GRID2IP: variants seen among roughly 807,000 people sequenced by gnomAD.
The protein encoded by GRID2IP is delphilin.
In GRID2IP, 78 loss-of-function variants were observed where a neutral mutation model predicts 114.3. The observed-to-expected ratio is 0.68, with a 90% CI of 0.57 to 0.82. GRID2IP has a LOEUF of 0.82. Ranked by LOEUF, GRID2IP falls within the 40% of genes least tolerant of loss-of-function variation. The pLI is 0.00. For synonymous variants in GRID2IP, 809 were observed against 724.0 expected (o/e 1.12, Z -1.89); for missense variants, 1,727 against 1,678.5 (o/e 1.03, Z -0.51).
intron 1 of GRID2IP, among the ~76,000 whole-genome samples, chr7:6,542,215 G>T (rs927602590): frequency 1.4e-5 from 2 of 142,052 alleles, no homozygotes; most frequent in Non-Finnish European, 3.0e-5. Flanking sequence ...TGAGGCAGGA[G>T]AATCGCTTGA....
chr7:6,534,958 T>G lies in GRID2IP; in HGVS notation c.584+4760A>C, dbSNP rs1460232886. Among the ~76,000 whole-genome samples, 3 of 152,210 alleles carry G rather than the reference T, an allele frequency of 2.0e-5. No homozygotes were observed. The highest frequency in any genetic ancestry group is 4.4e-5 in the Non-Finnish European group (3 of 68,040). ...TGGAGTGCAATGGCACGATCTCGGC[T>G]CACTGCAATCTCCGCCTCCCAGGTT... On this transcript the variant is annotated intron_variant, in intron 2 of 21. Transcript: ENST00000457091. The surrounding 1 kb of genome is among the most constrained non-coding windows in gnomAD (Gnocchi z 4.5).
chr7:6,503,252 G>A, intron 16 of GRID2IP, 89 bp from the exon 17 acceptor site: 3 of 1,156,932 alleles, frequency 2.6e-6, no homozygotes, highest in Non-Finnish European at 2.4e-6. Context: ...GGGGGGATCT[G>A]CTGGCTGCTT....
In GRID2IP at chr7:6,509,859, A is replaced by G. The variant is rs1192434071; in HGVS notation, c.1771+424T>C. Among the ~76,000 whole-genome samples, 1 of 151,984 alleles carries G rather than the reference A, an allele frequency of 6.6e-6. No homozygotes were observed. Among genetic ancestry groups the G allele is most frequent in the South Asian group, 2.1e-4 (1 of 4,828 alleles). ...TTTTTCTTTTTTAAGACAGGGTCTTACTCTGTTGCTTATAGGCTAGAGTGC... is the reference window on the plus strand; with the variant it reads ...TTTTTCTTTTTTAAGACAGGGTCTTGCTCTGTTGCTTATAGGCTAGAGTGC... On this transcript the variant is annotated intron_variant, in intron 11 of 21. Transcript: ENST00000457091. This position sits in a 1 kb window ranked among gnomAD's most constrained non-coding sequence, Gnocchi z 4.9.
rs1332927982 is a variant in GRID2IP at position 6,508,092 on chromosome 7, T to C, written c.2437A>G (p.Met813Val). The change falls in exon 13 of 22, where the codon ATG becomes GTG. Residue 813 changes from methionine to valine, a missense_variant. Met to Val is a conservative substitution (Grantham distance 21). Transcript: ENST00000457091. The surrounding 1 kb of genome is among the most constrained non-coding windows in gnomAD (Gnocchi z 5.6). Reference protein sequence around the residue: ...LPPPVPCAPPMLSRGLGHRRS... With the variant: ...LPPPVPCAPPVLSRGLGHRRS... ...CGGTGGCCCAGGCCCCGGGACAGCA[T>C]GGGGGGTGCACAGGGCACGGGTGGG... 1.4e-5 allele frequency: 15 copies of C among 1,036,702 alleles called. No individual in the cohort carries two copies. The highest frequency in any genetic ancestry group is 1.6e-5 in the Non-Finnish European group (13 of 808,066). The allele number at this position is 1,036,702 out of a possible 1,614,324, so 64.2% of individuals were successfully genotyped here. A position where few individuals can be genotyped will look rare whatever the true frequency, so the allele number is the denominator to read the frequency against.
In GRID2IP at chr7:6,503,546, T is replaced by A; in HGVS notation, c.2852A>T (p.Gln951Leu). Residue 951 changes from glutamine to leucine, a missense_variant, in exon 16 of 22, where the codon CAG becomes CTG. Coordinates refer to ENST00000457091, the MANE Select transcript of GRID2IP (RefSeq NM_001145118.2). ...APDADEEQRYQAFREAPGRLS... is the reference protein window; with the variant it reads ...APDADEEQRYLAFREAPGRLS... ...GCGGCCGGGCGCCTCGCGGAAGGCC[T>A]GGTAGCGCTGCTCCTCGTCGGCGTC... 6.5e-7 allele frequency: 1 copy of A among 1,528,538 alleles called. No individual in the cohort carries two copies. Among genetic ancestry groups the A allele is most frequent in the Non-Finnish European group, 8.7e-7 (1 of 1,144,122 alleles). 94.7% of individuals were successfully genotyped at this position (1,528,538 alleles called of 1,614,324 possible).
intron 7 of GRID2IP, among the ~76,000 whole-genome samples, chr7:6,518,174 G>A (rs1425924956): frequency 1.3e-5 from 2 of 152,000 alleles, no homozygotes; most frequent in Non-Finnish European, 2.9e-5. Context: ...AGGCTGCAGT[G>A]AGCTGTGTTT....
At chr7:6,531,268 C>T (rs1330624832) in intron 2 of GRID2IP, 1 of 408,326 alleles carries the variant, frequency 2.4e-6, no homozygotes, top group Non-Finnish European at 4.3e-6. Flanking sequence ...TTTTGGTGGC[C>T]CCGCCCCCTC....
intron 8 of GRID2IP, among the ~76,000 whole-genome samples, chr7:6,513,785 A>AAG (rs2115061730): frequency 6.6e-6 from 1 of 152,232 alleles, no homozygotes; most frequent in African/African-American, 2.4e-5. Context: ...AATCGGCTGT[A>AAG]AGACCTCATA....
chr7:6,539,768 G>A lies in GRID2IP; in HGVS notation c.534C>T (p.Leu178=), dbSNP rs750193891. Residue 178 remains leucine, a synonymous_variant, in exon 2 of 22, where the codon CTC becomes CTT. Coordinates refer to ENST00000457091, the MANE Select transcript of GRID2IP (RefSeq NM_001145118.2). ...AGGCCTCTCGGGGCAGCGCCAGGGTGAGAGTCCACACCAGATCATCCACCC... is the reference window on the plus strand; with the variant it reads ...AGGCCTCTCGGGGCAGCGCCAGGGTAAGAGTCCACACCAGATCATCCACCC... ...EQRVDDLVWT[L]TLALPREACG... is the part of the protein sequence containing the mutation. The A allele has an allele frequency of 6.5e-7, 1 of 1,550,350 alleles. No individual in the cohort carries two copies. Among genetic ancestry groups the A allele is most frequent in the Non-Finnish European group, 8.7e-7 (1 of 1,146,948 alleles).
chr7:6,520,130 A>C lies in GRID2IP; in HGVS notation c.1268+448T>G, dbSNP rs370049731. On this transcript the variant is annotated intron_variant, in intron 7 of 21. Coordinates refer to ENST00000457091, the MANE Select transcript of GRID2IP (RefSeq NM_001145118.2). This position sits in a 1 kb window ranked among gnomAD's most constrained non-coding sequence, Gnocchi z 4.6. ...CTCTAGTAAAACCCTGTCTCTAGTAAAAATACAAAAAAATTAGCCGGGTGT... is the reference window on the plus strand; with the variant it reads ...CTCTAGTAAAACCCTGTCTCTAGTACAAATACAAAAAAATTAGCCGGGTGT... 2.8e-4 allele frequency among the ~76,000 whole-genome samples: 43 copies of C among 152,242 alleles called. No individual in the cohort carries two copies. Among genetic ancestry groups the C allele is most frequent in the African/African-American group, 1.0e-3 (42 of 41,556 alleles).
chr7:6,518,592 T>C (rs1779355455), intron 7 of GRID2IP, among the ~76,000 whole-genome samples: 1 of 151,510 alleles, frequency 6.6e-6, no homozygotes, highest in Non-Finnish European at 1.5e-5. Flanking sequence ...AAAAATTAGC[T>C]GGGCGTGGTG....
chr7:6,525,599 A>G (rs1301517122), intron 4 of GRID2IP, among the ~76,000 whole-genome samples: 1 of 152,114 alleles, frequency 6.6e-6, no homozygotes, highest in Admixed American at 6.6e-5. Context: ...GCACCACTGC[A>G]CTCCAGCCTG....
chr7:6,504,857 C>G lies in GRID2IP; in HGVS notation c.2646G>C (p.Gly882=), dbSNP rs1025146115. 6.4e-7 allele frequency: 1 copy of G among 1,551,316 alleles called. No homozygotes were observed. Among genetic ancestry groups the G allele is most frequent in the South Asian group, 1.2e-5 (1 of 84,070 alleles). ...CCTCCTTCTTCCGGAAGGGCTCCGG[C>G]CCCGGCACCGGTTCTGGAAAAGAAA... The part of the protein sequence containing the change: ...GTQKPAKPVP[G]PEPFRKKEVV... Residue 882 remains glycine, a synonymous_variant, in exon 15 of 22, where the codon GGG becomes GGC. Transcript: ENST00000457091.
rs1327966100 is a variant in GRID2IP, at chr7:6,536,619, G to T, written c.584+3099C>A. Among the ~76,000 whole-genome samples the T allele has an allele frequency of 6.6e-6, 1 of 151,990 alleles. No individual in the cohort carries two copies. Among genetic ancestry groups the T allele is most frequent in the East Asian group, 2.0e-4 (1 of 5,128 alleles). ...CTGCCAGCAGCCGGGAGACGAGCGA[G>T]CCAACTTCCTGGGGGACAGCTGGGC... On this transcript the variant is annotated intron_variant, in intron 2 of 21. Coordinates refer to ENST00000457091, the MANE Select transcript of GRID2IP (RefSeq NM_001145118.2). The surrounding 1 kb of genome is among the most constrained non-coding windows in gnomAD (Gnocchi z 5.3).
At chr7:6,533,455 C>T (rs527861502) in intron 2 of GRID2IP, among the ~76,000 whole-genome samples, 2 of 152,216 alleles carry the variant, frequency 1.3e-5, no homozygotes, top group Admixed American at 6.6e-5. Context: ...AATTCCTGGG[C>T]TTAAGTGATC....
In GRID2IP at chr7:6,526,174, A is replaced by C; in HGVS notation, c.919+50T>G. Reference sequence around the variant, plus strand: ...CGGCAGAGCCACCACGGGGCCCTTCACCCCATCCTGGGCCTTAGGGACTCT... The same window carrying C: ...CGGCAGAGCCACCACGGGGCCCTTCCCCCCATCCTGGGCCTTAGGGACTCT... On this transcript the variant is annotated intron_variant, in intron 4 of 21. Coordinates refer to ENST00000457091, the MANE Select transcript of GRID2IP (RefSeq NM_001145118.2). The surrounding 1 kb of genome is among the most constrained non-coding windows in gnomAD (Gnocchi z 7.6). The C allele has an allele frequency of 6.9e-7, 1 of 1,451,472 alleles. No individual in the cohort carries two copies. Among genetic ancestry groups the C allele is most frequent in the Non-Finnish European group, 9.5e-7 (1 of 1,056,730 alleles). 89.9% of individuals were successfully genotyped at this position (1,451,472 alleles called of 1,614,324 possible).
chr7:6,510,694 C>A lies in GRID2IP; in HGVS notation c.1568G>T (p.Cys523Phe). 6.5e-7 allele frequency: 1 copy of A among 1,548,324 alleles called. No individual in the cohort carries two copies. Among genetic ancestry groups the A allele is most frequent in the Non-Finnish European group, 8.7e-7 (1 of 1,145,690 alleles). Residue 523 changes from cysteine (C) to phenylalanine (F), a missense_variant, in exon 10 of 22, where the codon TGC (cysteine) becomes TTC (phenylalanine). Cys to Phe is a radical substitution (Grantham distance 205). Coordinates refer to ENST00000457091, the MANE Select transcript of GRID2IP (RefSeq NM_001145118.2). ...GATCAGGGGAAGAGGCATCTCAGGGCACTCGCTGGGACCTACCGGGGAATA... is the reference window on the plus strand; with the variant it reads ...GATCAGGGGAAGAGGCATCTCAGGGAACTCGCTGGGACCTACCGGGGAATA... ...EAGLSCGPSE[C>F]PEMPLPLIPG...
intron 8 of GRID2IP, among the ~76,000 whole-genome samples, chr7:6,512,230 TC>T (rs1430763908): frequency 8.2e-6 from 1 of 122,206 alleles, no homozygotes; most frequent in Non-Finnish European, 1.8e-5. Flanking sequence ...TTTCTTTTCT[TC>T]TTTTTTTTTT....
At chr7:6,510,582 C>T in intron 10 of GRID2IP, 27 bp downstream of exon 10, 2 of 1,491,636 alleles carry the variant, frequency 1.3e-6, no homozygotes, top group Non-Finnish European at 1.8e-6. Context: ...CCTACTGACC[C>T]CACGTGGAGG....
Sources: allele counts gnomAD v4.1 joint callset (sites outside exome capture counted in the v4.1 genomes callset), GRCh38; gene constraint gnomAD v4.1.1; non-coding constraint Gnocchi (gnomAD v3.1); transcripts MANE v1.5; gene names NCBI Gene and HGNC (gene_info 2026-07-23, HGNC 2026-07-21).